CNTNAP5: variants seen among roughly 807,000 people sequenced by gnomAD.
CNTNAP5 encodes contactin-associated protein-like 5.
In CNTNAP5, 72 loss-of-function variants were observed where a neutral mutation model predicts 150.2. The ratio of observed to expected loss-of-function variants is 0.48; its 90% CI spans 0.40 to 0.58. The LOEUF (loss-of-function observed/expected upper bound fraction) is 0.58, where lower values mean the gene tolerates loss of function less well. Ranked by LOEUF, CNTNAP5 falls within the 20% of genes least tolerant of loss-of-function variation. CNTNAP5 has a pLI of 0.00. For missense variants in CNTNAP5, 1,636 were observed against 1,626.2 expected (o/e 1.01, Z -0.10); for synonymous variants, 672 against 619.8 (o/e 1.08, Z -1.25).
Position 124,524,339 on chromosome 2 carries a change from G to T in CNTNAP5, c.1364G>T (p.Ser455Ile). 6.2e-7 allele frequency: 1 copy of T among 1,613,840 alleles called. No individual in the cohort carries two copies. The highest frequency in any genetic ancestry group is 8.5e-7 in the Non-Finnish European group (1 of 1,179,824). ...NLNDGLWHSVSINARRNRITL... is the reference protein window; with the variant it reads ...NLNDGLWHSVIINARRNRITL... ...AATGATGGCCTGTGGCACTCGGTTA[G>T]CATCAACGCCAGGAGGAACCGCATC... The change falls in exon 9 of 24, where the codon AGC becomes ATC. Residue 455 changes from serine (S) to isoleucine (I), a missense_variant. By Grantham distance (142) the Ser-to-Ile change is moderately radical. Coordinates refer to ENST00000682447, the MANE Select transcript of CNTNAP5 (RefSeq NM_001367498.1).
chr2:124,034,189 G>C (rs574788441), intron 1 of CNTNAP5, among the ~76,000 whole-genome samples: 2 of 152,328 alleles, frequency 1.3e-5, no homozygotes, highest in East Asian at 3.9e-4. Context: ...AATATGTTCT[G>C]TGTATACTAA....
intron 21 of CNTNAP5, among the ~76,000 whole-genome samples, chr2:124,871,607 C>T (rs76218962): frequency 2.0e-5 from 3 of 152,256 alleles, no homozygotes; most frequent in African/African-American, 7.2e-5. Flanking sequence ...CTCACTGGCA[C>T]ATCAGTGTCC....
intron 4 of CNTNAP5, among the ~76,000 whole-genome samples, chr2:124,422,555 GC>G (rs1692131954): frequency 6.6e-6 from 1 of 152,188 alleles, no homozygotes; most frequent in South Asian, 2.1e-4. Flanking sequence ...TTTGCACAGT[GC>G]CCTGGATTGT....
intron 1 of CNTNAP5, among the ~76,000 whole-genome samples, chr2:124,050,328 G>C (rs1681663765): frequency 1.3e-5 from 2 of 151,992 alleles, no homozygotes; most frequent in African/African-American, 4.8e-5. Context: ...GCTGGGTGTG[G>C]TGGTACGTGC....
At chr2:124,893,974 A>T (rs1439008478) in intron 21 of CNTNAP5, among the ~76,000 whole-genome samples, 2 of 152,118 alleles carry the variant, frequency 1.3e-5, no homozygotes, top group African/African-American at 2.4e-5. Context: ...GTTAGATATA[A>T]CTCATCAAAA....
At chr2:124,463,918 A>T (rs1374926028) in intron 6 of CNTNAP5, among the ~76,000 whole-genome samples, 1 of 152,098 alleles carries the variant, frequency 6.6e-6, no homozygotes, top group Non-Finnish European at 1.5e-5. Flanking sequence ...CAAGCTGCTA[A>T]ACCTCTGTAT....
At chr2:124,221,453 C>T (rs1686310198) in intron 1 of CNTNAP5, among the ~76,000 whole-genome samples, 1 of 152,074 alleles carries the variant, frequency 6.6e-6, no homozygotes, top group Non-Finnish European at 1.5e-5. Context: ...TATTTTCTAG[C>T]ATTGAGACCT....
In CNTNAP5 at chr2:124,290,249, T is replaced by G. The variant is rs187171081; in HGVS notation, c.381+47856T>G. ...TCCTGAAACTCGATAGCTAATAGAA[T>G]GCCATATTCAAAAGGCATTGAGCAC... On this transcript the variant is annotated intron_variant, in intron 3 of 23. Coordinates refer to ENST00000682447, the MANE Select transcript of CNTNAP5 (RefSeq NM_001367498.1). 1.6e-4 allele frequency among the ~76,000 whole-genome samples: 24 copies of G among 152,260 alleles called. No homozygotes were observed. The East Asian group carries it at 3.7e-3, about 23-fold the overall frequency.
intron 13 of CNTNAP5, among the ~76,000 whole-genome samples, chr2:124,701,310 CCT>C (rs1462000017): frequency 6.6e-6 from 1 of 152,000 alleles, no homozygotes; most frequent in Non-Finnish European, 1.5e-5. Flanking sequence ...TTTCACTTAC[CCT>C]CGTGTCCTCC....
At position 124,707,621 on chromosome 2, in the gene CNTNAP5, T is replaced by A. The variant is rs147453170; in HGVS notation, c.2078-39608T>A. Among the ~76,000 whole-genome samples, 133 of 152,140 alleles carry A rather than the reference T, an allele frequency of 8.7e-4. 1 individual carries two copies. The highest frequency in any genetic ancestry group is 3.1e-3 in the African/African-American group (130 of 41,536). The stretch of plus-strand genomic sequence containing the variant: ...ATCACATTCCTCGATGGCCAGAAAT[T>A]GCTAGATTAGGAGGGATTTGAAGGT... On this transcript the variant is annotated intron_variant, in intron 13 of 23. Transcript: ENST00000682447.
chr2:124,453,837 G>A (rs1383858242), intron 6 of CNTNAP5, among the ~76,000 whole-genome samples: 1 of 152,008 alleles, frequency 6.6e-6, no homozygotes, highest in Non-Finnish European at 1.5e-5. Context: ...AATGCTGAGA[G>A]AATTTGCCAC....
At chr2:124,593,116 TTTATTTATTTA>T (rs1324352267) in intron 11 of CNTNAP5, among the ~76,000 whole-genome samples, 1 of 119,504 alleles carries the variant, frequency 8.4e-6, no homozygotes, top group Non-Finnish European at 1.8e-5. Flanking sequence ...TATTTATTTA[TTTATTTATTTA>T]TTATTATTAT....
At chr2:124,502,602 T>A (rs1394880669) in intron 7 of CNTNAP5, among the ~76,000 whole-genome samples, 1 of 152,174 alleles carries the variant, frequency 6.6e-6, no homozygotes, top group Non-Finnish European at 1.5e-5. Context: ...TAAATAAAAG[T>A]TATTACTACT....
At chr2:124,665,535 C>T (rs1473495131) in intron 13 of CNTNAP5, among the ~76,000 whole-genome samples, 1 of 152,046 alleles carries the variant, frequency 6.6e-6, no homozygotes, top group African/African-American at 2.4e-5. Flanking sequence ...TGTGATTAGT[C>T]ACAAAGCCCT....
chr2:124,553,760 C>T (rs992722323), intron 10 of CNTNAP5, among the ~76,000 whole-genome samples: 4 of 152,044 alleles, frequency 2.6e-5, no homozygotes, highest in African/African-American at 9.7e-5. Context: ...CAAAAGGCAA[C>T]CATTGTGGAG....
intron 8 of CNTNAP5, among the ~76,000 whole-genome samples, chr2:124,504,950 C>T (rs1379059965): frequency 2.6e-5 from 4 of 152,070 alleles, no homozygotes; most frequent in Non-Finnish European, 5.9e-5. Flanking sequence ...TTGTGATCTG[C>T]CCGCCTTGGG....
chr2:124,689,103 CACT>C (rs2105077152), intron 13 of CNTNAP5, among the ~76,000 whole-genome samples: 1 of 152,174 alleles, frequency 6.6e-6, no homozygotes, highest in Admixed American at 6.6e-5. Flanking sequence ...CTTTTAATGT[CACT>C]ACTGTTTCTA....
chr2:124,854,664 A>C (rs577241116), intron 19 of CNTNAP5, among the ~76,000 whole-genome samples: 1 of 152,224 alleles, frequency 6.6e-6, no homozygotes, highest in African/African-American at 2.4e-5. Context: ...TGGCTATTTT[A>C]TTCAACAAAT....
chr2:124,061,796 C>T (rs1455881912), intron 1 of CNTNAP5, among the ~76,000 whole-genome samples: 1 of 152,158 alleles, frequency 6.6e-6, no homozygotes, highest in Non-Finnish European at 1.5e-5. Flanking sequence ...AAGTCAATAT[C>T]TCCTCTTCTC....
Sources: gnomAD v4.1 joint callset for allele counts (sites outside exome capture counted in the v4.1 genomes callset) on GRCh38, gnomAD v4.1.1 for gene constraint, MANE v1.5 for transcripts, NCBI Gene and HGNC (gene_info 2026-07-23, HGNC 2026-07-21) for gene names.